The following SYTL5 variants were observed in gnomAD, a reference collection of about 807,000 sequenced individuals.
SYTL5 encodes the protein synaptotagmin like 5, also known as synaptotagmin-like protein 5.
A neutral mutation model predicts 55.9 loss-of-function variants in SYTL5; 34 were observed. That is an observed-to-expected ratio of 0.61 (90% CI 0.46 to 0.81). SYTL5 has a LOEUF of 0.81. SYTL5 is among the 30% of genes least tolerant of loss of function. SYTL5 has a pLI of 0.00. For missense variants in SYTL5, 637 were observed against 546.7 expected (o/e 1.17, Z -1.65); for synonymous variants, 221 against 188.7 (o/e 1.17, Z -1.40).
At chrX:38,106,032 A>G (rs1046533967) in intron 10 of SYTL5, among the ~76,000 whole-genome samples, 1 of 112,093 alleles carries the variant, frequency 8.9e-6, no homozygotes, top group African/African-American at 3.2e-5. Flanking sequence ...GAGGGAAATC[A>G]TGGAAGCTGT....
At chrX:38,042,243 A>T (rs960836614) in intron 2 of SYTL5, among the ~76,000 whole-genome samples, 14 of 110,517 alleles carry the variant, frequency 1.3e-4, no homozygotes, top group East Asian at 1.1e-3. Flanking sequence ...AAGTGGAGAG[A>T]GTCTATATAA....
intron 13 of SYTL5, among the ~76,000 whole-genome samples, chrX:38,111,568 T>C (rs1937359482): frequency 8.9e-6 from 1 of 112,283 alleles, no homozygotes; most frequent in African/African-American, 3.2e-5. Flanking sequence ...TCTTGGAATT[T>C]CTTGGTCTCT....
At chrX:37,958,237 C>T in the SYTL5 span, among the ~76,000 whole-genome samples, 6 of 110,021 alleles carry the variant, frequency 5.5e-5, no homozygotes, top group East Asian at 1.7e-3. Flanking sequence ...AAAACCCAGA[C>T]TGTGTAATTT....
the SYTL5 span, among the ~76,000 whole-genome samples, chrX:37,984,137 C>T: frequency 5.4e-5 from 6 of 110,786 alleles, no homozygotes; most frequent in Non-Finnish European, 1.1e-4. Flanking sequence ...GGAAATAATA[C>T]AGACCGGAGC....
intron 2 of SYTL5, among the ~76,000 whole-genome samples, chrX:38,047,039 A>G (rs772702684): frequency 8.9e-6 from 1 of 112,141 alleles, no homozygotes; most frequent in South Asian, 3.8e-4. Flanking sequence ...TTTGCAGGGT[A>G]CAGCCTCCCT....
chrX:38,050,923 C>T (rs1935606260), intron 2 of SYTL5, among the ~76,000 whole-genome samples: 2 of 112,438 alleles, frequency 1.8e-5, no homozygotes, highest in South Asian at 3.7e-4. Context: ...TTACTTACCA[C>T]GTTTCATTGG....
intron 4 of SYTL5, among the ~76,000 whole-genome samples, chrX:38,072,592 G>A (rs1423673510): frequency 2.7e-5 from 3 of 111,873 alleles, no homozygotes; most frequent in Non-Finnish European, 5.6e-5. Context: ...ATCAAAGATT[G>A]ATAATATGTA....
the SYTL5 span, among the ~76,000 whole-genome samples, chrX:37,966,091 A>T: frequency 8.9e-6 from 1 of 112,090 alleles, no homozygotes; most frequent in African/African-American, 3.2e-5. Context: ...TAATTCACTT[A>T]CATTTAAAGC....
At chrX:37,986,896 C>G in the SYTL5 span, among the ~76,000 whole-genome samples, 2 of 111,585 alleles carry the variant, frequency 1.8e-5, no homozygotes, top group Non-Finnish European at 3.8e-5. Flanking sequence ...ACTTTAAGTT[C>G]TAGGGTACAT....
intron 10 of SYTL5, among the ~76,000 whole-genome samples, chrX:38,103,871 T>G (rs1937142078): frequency 9.0e-6 from 1 of 111,556 alleles, no homozygotes. Flanking sequence ...AACCAAATAA[T>G]GTAATAAGCA....
intron 2 of SYTL5, among the ~76,000 whole-genome samples, chrX:38,041,294 A>G (rs1569164959): frequency 8.9e-6 from 1 of 112,354 alleles, no homozygotes; most frequent in Non-Finnish European, 1.9e-5. Context: ...GCCAAGCAAT[A>G]ATACCCTTTT....
chrX:38,054,313 A>T lies in SYTL5; in HGVS notation c.220A>T (p.Ile74Phe), dbSNP rs147486310. The T allele has an allele frequency of 8.8e-5, 107 of 1,209,361 alleles. No individual in the cohort carries two copies. In the African/African-American group the frequency reaches 1.5e-3, roughly 17 times the overall value. ...TCACTGTCACAGAAACCTGGGCCTA[A>T]TCTTTGACCGGGGAGACCCTTGTCA... is the stretch of plus-strand genomic sequence containing the variant. ...CVHCHRNLGLIFDRGDPCQAC... is the reference protein window; with the variant it reads ...CVHCHRNLGLFFDRGDPCQAC... The change falls in exon 3 of 17, where the codon ATC (isoleucine) becomes TTC (phenylalanine). Residue 74 changes from isoleucine to phenylalanine, a missense_variant. Physicochemically the swap from Ile to Phe is conservative, Grantham distance 21 (BLOSUM62 0). Transcript: ENST00000297875.
At chrX:37,928,104 A>G in the SYTL5 span, among the ~76,000 whole-genome samples, 2 of 112,397 alleles carry the variant, frequency 1.8e-5, no homozygotes, top group Non-Finnish European at 3.8e-5. Flanking sequence ...TGAAGGCATT[A>G]CATATATACC....
the SYTL5 span, among the ~76,000 whole-genome samples, chrX:37,951,399 A>T: frequency 1.8e-5 from 2 of 111,362 alleles, no homozygotes; most frequent in Non-Finnish European, 3.8e-5. Flanking sequence ...AGTTTTTTTA[A>T]AAAAATCAGT....
At chrX:38,024,228 G>A (rs897020665) in intron 1 of SYTL5, among the ~76,000 whole-genome samples, 9 of 109,706 alleles carry the variant, frequency 8.2e-5, no homozygotes, top group Non-Finnish European at 1.3e-4. Flanking sequence ...TCATGGGGAC[G>A]GGTTTTCCCA....
chrX:37,896,339 A>G, the SYTL5 span, among the ~76,000 whole-genome samples: 1 of 111,600 alleles, frequency 9.0e-6, no homozygotes, highest in Non-Finnish European at 1.9e-5. Flanking sequence ...GTAGCTTGCA[A>G]ATATGGCCAC....
intron 14 of SYTL5, among the ~76,000 whole-genome samples, chrX:38,120,867 A>T (rs1373723308): frequency 9.0e-6 from 1 of 111,456 alleles, no homozygotes; most frequent in African/African-American, 3.3e-5. Flanking sequence ...TTAAAGGAAA[A>T]AATCAGATGG....
At chrX:37,990,498 G>A in the SYTL5 span, among the ~76,000 whole-genome samples, 1 of 112,522 alleles carries the variant, frequency 8.9e-6, no homozygotes, top group Non-Finnish European at 1.9e-5. Context: ...ATAACCTGCA[G>A]TGGTGTCCTA....
At chrX:37,892,667 T>C in the SYTL5 span, among the ~76,000 whole-genome samples, 1 of 87,746 alleles carries the variant, frequency 1.1e-5, no homozygotes, top group Non-Finnish European at 2.0e-5. Context: ...TATACATATA[T>C]TAGTATATAT....
Sources: allele counts gnomAD v4.1 joint callset (sites outside exome capture counted in the v4.1 genomes callset), GRCh38; gene constraint gnomAD v4.1.1; transcripts MANE v1.5; gene names NCBI Gene and HGNC (gene_info 2026-07-23, HGNC 2026-07-21).